The following PRKCE variants were observed in gnomAD, a reference collection of about 807,000 sequenced individuals.
PRKCE encodes protein kinase C epsilon type.
In PRKCE, 16 loss-of-function variants were observed where a neutral mutation model predicts 85.4. The ratio of observed to expected loss-of-function variants is 0.19; its 90% confidence interval spans 0.13 to 0.28. The LOEUF is 0.28. Ranked by LOEUF, PRKCE falls within the 10% of genes least tolerant of loss-of-function variation. The probability of loss-of-function intolerance (pLI) is 1.00; values close to 1 mark genes in which losing one functional copy is unlikely to be tolerated. For synonymous variants in PRKCE, 388 were observed against 371.5 expected (o/e 1.04, Z -0.51); for missense variants, 573 against 975.2 (o/e 0.59, Z 5.49).
intron 11 of PRKCE, among the ~76,000 whole-genome samples, chr2:46,106,035 T>C (rs76235772): frequency 6.6e-6 from 1 of 152,230 alleles, no homozygotes; most frequent in East Asian, 1.9e-4. Context: ...ATGACATACC[T>C]AACTTGTGCT....
intron 1 of PRKCE, among the ~76,000 whole-genome samples, chr2:45,741,153 T>C (rs568909689): frequency 6.6e-6 from 1 of 152,206 alleles, no homozygotes; most frequent in Non-Finnish European, 1.5e-5. Context: ...ATTGCTTCTA[T>C]CGGTGCCTGT....
intron 1 of PRKCE, among the ~76,000 whole-genome samples, chr2:45,676,529 G>A (rs1049854730): frequency 6.6e-6 from 1 of 152,242 alleles, no homozygotes; most frequent in Non-Finnish European, 1.5e-5. Flanking sequence ...TGGATAGAGA[G>A]GAAGATGGTT....
chr2:46,027,504 C>T lies in PRKCE; in HGVS notation c.1437+16987C>T, dbSNP rs548635160. On this transcript the variant is annotated intron_variant, in intron 10 of 14. Transcript: ENST00000306156. ...AGGTGGGTCACAGCTAAAAGTGAGTCTTATTTGATCTTTAAAATGCATATG... is the reference window on the plus strand; with the variant it reads ...AGGTGGGTCACAGCTAAAAGTGAGTTTTATTTGATCTTTAAAATGCATATG... Among the ~76,000 whole-genome samples, 17 of 152,206 alleles carry T rather than the reference C, an allele frequency of 1.1e-4. No individual in the cohort carries two copies. The South Asian group carries it at 3.5e-3, about 32-fold the overall frequency.
At chr2:45,957,095 C>T (rs1701024735) in intron 2 of PRKCE, among the ~76,000 whole-genome samples, 1 of 152,128 alleles carries the variant, frequency 6.6e-6, no homozygotes, top group Non-Finnish European at 1.5e-5. Flanking sequence ...CTTGTCTTTT[C>T]ATTCTCTTAA....
chr2:46,007,400 T>C (rs1705296486), intron 8 of PRKCE, 62 bp from the exon 9 acceptor site: 2 of 1,538,066 alleles, frequency 1.3e-6, no homozygotes, highest in Non-Finnish European at 1.8e-6. Context: ...GAGTGTTGAG[T>C]CCTAATGTAA....
intron 11 of PRKCE, among the ~76,000 whole-genome samples, chr2:46,101,722 C>T (rs1671245678): frequency 6.6e-6 from 1 of 152,048 alleles, no homozygotes; most frequent in South Asian, 2.1e-4. Flanking sequence ...TCCTCCAATT[C>T]GCTGTTTTAT....
intron 10 of PRKCE, among the ~76,000 whole-genome samples, chr2:46,043,239 G>C (rs1470597): frequency 0.28 from 43,118 of 151,710 alleles, 6,654 homozygotes; most frequent in Middle Eastern, 0.36. Context: ...TCCTTAATCT[G>C]TTCTAGGAGT....
chr2:45,874,530 C>T (rs1051817591), intron 2 of PRKCE, among the ~76,000 whole-genome samples: 2 of 152,228 alleles, frequency 1.3e-5, no homozygotes, highest in African/African-American at 2.4e-5. Context: ...TGACAGCCTT[C>T]CCAGACTCCC....
rs971612581 is a variant in PRKCE, at chr2:45,657,323, A to G, written c.348+4875A>G. 5.9e-5 allele frequency among the ~76,000 whole-genome samples: 9 copies of G among 152,068 alleles called. No individual in the cohort carries two copies. The East Asian group carries it at 1.7e-3, about 29-fold the overall frequency. On this transcript the variant is annotated intron_variant, in intron 1 of 14. Coordinates refer to ENST00000306156, the MANE Select transcript of PRKCE (RefSeq NM_005400.3). ...TTGAATCCCACTTCTACCATCTACC[A>G]CTTTCATGACCTTTAGCGAGTGACT...
chr2:46,046,504 A>G (rs1350639657), intron 10 of PRKCE, among the ~76,000 whole-genome samples: 1 of 152,240 alleles, frequency 6.6e-6, no homozygotes, highest in Non-Finnish European at 1.5e-5. Flanking sequence ...CTGCTTCTGC[A>G]TGTTCAAGTT....
chr2:45,740,477 T>TC (rs1465121337), intron 1 of PRKCE, among the ~76,000 whole-genome samples: 5 of 151,992 alleles, frequency 3.3e-5, no homozygotes, highest in African/African-American at 1.2e-4. Flanking sequence ...TTATGCTCTT[T>TC]CCCCCTCACT....
intron 6 of PRKCE, among the ~76,000 whole-genome samples, chr2:45,989,170 T>C (rs549830777): frequency 6.6e-6 from 1 of 152,306 alleles, no homozygotes; most frequent in South Asian, 2.1e-4. Context: ...CATCCCCATC[T>C]GGGGTGAATG....
At chr2:45,840,123 A>C (rs867557345) in intron 1 of PRKCE, among the ~76,000 whole-genome samples, 1 of 152,140 alleles carries the variant, frequency 6.6e-6, no homozygotes, top group Non-Finnish European at 1.5e-5. Flanking sequence ...CCTGCTTTAC[A>C]CAGATAGCAT....
chr2:45,659,500 C>G (rs1398370301), intron 1 of PRKCE, among the ~76,000 whole-genome samples: 1 of 152,206 alleles, frequency 6.6e-6, no homozygotes, highest in Non-Finnish European at 1.5e-5. Flanking sequence ...TGTCTCTGCT[C>G]ACAGATCTCT....
At chr2:45,976,692 C>A in intron 3 of PRKCE, 104 bp downstream of exon 3, 3 of 1,349,032 alleles carry the variant, frequency 2.2e-6, no homozygotes, top group Non-Finnish European at 3.1e-6. Flanking sequence ...TGCTGGTGTG[C>A]CTCGTTTCTT....
intron 2 of PRKCE, among the ~76,000 whole-genome samples, chr2:45,953,656 A>G (rs1700780032): frequency 6.6e-6 from 1 of 151,700 alleles, no homozygotes; most frequent in South Asian, 2.1e-4. Context: ...GCCCCCATCC[A>G]CTCTTGCTGT....
intron 10 of PRKCE, among the ~76,000 whole-genome samples, chr2:46,075,683 A>C (rs1668497058): frequency 6.6e-6 from 1 of 152,172 alleles, no homozygotes; most frequent in Admixed American, 6.5e-5. Flanking sequence ...TGGGAGGCCA[A>C]GGCTGCAGTG....
chr2:46,073,006 C>T (rs1368407217), intron 10 of PRKCE, among the ~76,000 whole-genome samples: 1 of 152,188 alleles, frequency 6.6e-6, no homozygotes, highest in Non-Finnish European at 1.5e-5. Flanking sequence ...AAAATAAATG[C>T]ACATTCCCAG....
At chr2:46,158,902 T>C (rs1677475921) in intron 13 of PRKCE, among the ~76,000 whole-genome samples, 1 of 152,184 alleles carries the variant, frequency 6.6e-6, no homozygotes, top group African/African-American at 2.4e-5. Context: ...CACCTGGGTG[T>C]GTAGGGATCG....
Sources: allele counts gnomAD v4.1 joint callset (sites outside exome capture counted in the v4.1 genomes callset), GRCh38; gene constraint gnomAD v4.1.1; transcripts MANE v1.5; gene names NCBI Gene and HGNC (gene_info 2026-07-23, HGNC 2026-07-21).